The following UBE2W variants were observed in gnomAD, a reference collection of about 807,000 sequenced individuals.
UBE2W encodes the protein ubiquitin conjugating enzyme E2 W.
A neutral mutation model predicts 27.2 loss-of-function variants in UBE2W; 18 were observed. The observed-to-expected ratio is 0.66, with a 90% CI of 0.46 to 0.98. The LOEUF is 0.98. UBE2W is among the 50% of genes least tolerant of loss of function. The pLI, the probability that UBE2W is intolerant of heterozygous loss-of-function variation, is 0.00. For synonymous variants in UBE2W, 53 were observed against 57.2 expected (o/e 0.93, Z 0.33); for missense variants, 90 against 180.2 (o/e 0.50, Z 2.87).
At chr8:73,858,283 C>T (rs946547941) in intron 1 of UBE2W, among the ~76,000 whole-genome samples, 1 of 149,768 alleles carries the variant, frequency 6.7e-6, no homozygotes, top group Non-Finnish European at 1.5e-5. Context: ...ACTGCTTGAA[C>T]CTGGGAGGCG....
At chr8:73,876,832 T>C (rs1390005644) in intron 1 of UBE2W, among the ~76,000 whole-genome samples, 1 of 152,128 alleles carries the variant, frequency 6.6e-6, no homozygotes, top group Non-Finnish European at 1.5e-5. Flanking sequence ...CTGGGCGTGG[T>C]GGTTCATGCC....
intron 2 of UBE2W, among the ~76,000 whole-genome samples, chr8:73,828,420 A>C (rs894126391): frequency 1.3e-5 from 2 of 152,188 alleles, no homozygotes; most frequent in Non-Finnish European, 1.5e-5. Context: ...ATTTCACTGC[A>C]CTGCCTTGAC....
At chr8:73,862,192 G>A (rs1811559314) in intron 1 of UBE2W, among the ~76,000 whole-genome samples, 2 of 152,230 alleles carry the variant, frequency 1.3e-5, no homozygotes, top group African/African-American at 2.4e-5. Context: ...CACTTTGGGA[G>A]GCCAAGACGG....
At chr8:73,836,474 A>G (rs185450210) in intron 1 of UBE2W, among the ~76,000 whole-genome samples, 395 of 152,356 alleles carry the variant, frequency 2.6e-3, no homozygotes, top group African/African-American at 8.6e-3. Flanking sequence ...CCTTAGTTGC[A>G]TTCTTCCCAG....
chr8:73,793,273 T>C lies in UBE2W; in HGVS notation c.*829A>G, dbSNP rs1016742189. 2 of 985,848 alleles carry C rather than the reference T, an allele frequency of 2.0e-6. No individual in the cohort carries two copies. The highest frequency in any genetic ancestry group is 2.4e-6 in the Non-Finnish European group (2 of 829,914). The allele number at this position is 985,848 out of a possible 1,614,324, so 61.1% of individuals were successfully genotyped here. On this transcript the variant is annotated 3_prime_UTR_variant, in exon 6 of 6. Transcript: ENST00000602593. ...ATGTACAAATAACAAGCCCAAATTA[T>C]GGACTGCAGCAATTTAATCATCACT...
At chr8:73,830,616 G>A (rs1810029293) in intron 1 of UBE2W, 144 bp from the exon 2 acceptor site, 2 of 618,084 alleles carry the variant, frequency 3.2e-6, no homozygotes, top group African/African-American at 1.9e-5. Context: ...CTCCCAAGTA[G>A]CTTGAGACTA....
chr8:73,785,609 T>G (rs1025915742), downstream of UBE2W, among the ~76,000 whole-genome samples: 2 of 152,038 alleles, frequency 1.3e-5, no homozygotes, highest in African/African-American at 4.8e-5. Flanking sequence ...CCACTCTCTT[T>G]TAGAGACGGA....
intron 5 of UBE2W, among the ~76,000 whole-genome samples, 183 bp downstream of exon 5, chr8:73,805,468 A>AAACAAAACAAAAAAAAAAACAAAC (rs1218717865): frequency 7.4e-6 from 1 of 135,180 alleles, no homozygotes; most frequent in East Asian, 2.0e-4. Flanking sequence ...AAAAAAAAAA[A>AAACAAAACAAAAAAAAAAACAAAC]AAACAAAAAA....
intron 1 of UBE2W, among the ~76,000 whole-genome samples, chr8:73,876,988 T>C (rs895597656): frequency 6.6e-6 from 1 of 152,096 alleles, no homozygotes; most frequent in African/African-American, 2.4e-5. Context: ...AAAGACACCA[T>C]GTAAAGTTCA....
intron 1 of UBE2W, among the ~76,000 whole-genome samples, chr8:73,837,311 G>A (rs1000398207): frequency 8.5e-5 from 13 of 152,188 alleles, no homozygotes; most frequent in Admixed American, 3.9e-4. Flanking sequence ...TCAGGAGTTC[G>A]AGATCAGCCT....
chr8:73,869,384 C>T (rs1430609005), intron 1 of UBE2W, among the ~76,000 whole-genome samples: 2 of 152,150 alleles, frequency 1.3e-5, no homozygotes, highest in Non-Finnish European at 2.9e-5. Context: ...TGGTTAAACC[C>T]CGTCTCTACA....
intron 1 of UBE2W, among the ~76,000 whole-genome samples, chr8:73,859,601 T>C (rs76525127): frequency 0.058 from 8,819 of 152,232 alleles, 843 homozygotes; most frequent in African/African-American, 0.2. Context: ...TCACACAAAA[T>C]ATGTGTTAAT....
At chr8:73,805,046 A>G (rs755763884) in intron 5 of UBE2W, among the ~76,000 whole-genome samples, 2 of 152,042 alleles carry the variant, frequency 1.3e-5, no homozygotes, top group Non-Finnish European at 2.9e-5. Flanking sequence ...TTCTAATTTG[A>G]TCTAAAGATT....
intron 5 of UBE2W, among the ~76,000 whole-genome samples, chr8:73,804,640 C>T (rs1457468319): frequency 6.6e-6 from 1 of 151,810 alleles, no homozygotes; most frequent in Non-Finnish European, 1.5e-5. Context: ...CGCCTCCTCC[C>T]GGCCATGAAT....
At chr8:73,878,350 C>T (rs368916229) in intron 1 of UBE2W, among the ~76,000 whole-genome samples, 1 of 152,234 alleles carries the variant, frequency 6.6e-6, no homozygotes, top group African/African-American at 2.4e-5. Context: ...GCCGCCTTCT[C>T]CGGAGACGCA....
At chr8:73,828,664 T>C (rs1809949447) in intron 2 of UBE2W, among the ~76,000 whole-genome samples, 1 of 152,176 alleles carries the variant, frequency 6.6e-6, no homozygotes, top group African/African-American at 2.4e-5. Flanking sequence ...AGTAGGTGTA[T>C]ATATCTTTGG....
rs1808361820 is a variant in UBE2W, at chr8:73,795,161, A to T, written c.443-1046T>A. Among the ~76,000 whole-genome samples, 3 of 42,924 alleles carry T rather than the reference A, an allele frequency of 7.0e-5. No individual in the cohort carries two copies. The Admixed American group carries it at 9.6e-4, about 14-fold the overall frequency. 28.2% of individuals were successfully genotyped at this position (42,924 alleles called of 152,430 possible). On this transcript the variant is annotated intron_variant, in intron 5 of 5. Coordinates refer to ENST00000602593, the MANE Select transcript of UBE2W (RefSeq NM_018299.6). ...AGGAAAAAATTCTGAAATCCTAGTCAAAATATTTTACAGACTGATATGGTT... is the reference window on the plus strand; with the variant it reads ...AGGAAAAAATTCTGAAATCCTAGTCTAAATATTTTACAGACTGATATGGTT...
At chr8:73,873,100 G>A (rs1449612175) in intron 1 of UBE2W, among the ~76,000 whole-genome samples, 1 of 151,932 alleles carries the variant, frequency 6.6e-6, no homozygotes, top group African/African-American at 2.4e-5. Flanking sequence ...GTAGAGACTA[G>A]GTTTCACCAT....
intron 1 of UBE2W, among the ~76,000 whole-genome samples, chr8:73,841,253 T>G (rs1457948277): frequency 6.6e-6 from 1 of 152,204 alleles, no homozygotes; most frequent in Non-Finnish European, 1.5e-5. Context: ...CCACTTCTCC[T>G]TTCAGAGGGA....
Sources: gnomAD v4.1 joint callset for allele counts (sites outside exome capture counted in the v4.1 genomes callset) on GRCh38, gnomAD v4.1.1 for gene constraint, MANE v1.5 for transcripts, NCBI Gene and HGNC (gene_info 2026-07-23, HGNC 2026-07-21) for gene names.